ABCC8: variants seen among roughly 807,000 people sequenced by gnomAD.
The protein encoded by ABCC8 is ATP binding cassette subfamily C member 8.
Under a neutral mutation model 188.0 loss-of-function variants are expected in ABCC8, and 137 were observed. The ratio of observed to expected loss-of-function variants is 0.73; its 90% CI spans 0.63 to 0.84. ABCC8 has a LOEUF of 0.84. Ranked by LOEUF, ABCC8 falls within the 40% of genes least tolerant of loss-of-function variation. The probability of loss-of-function intolerance (pLI) is 0.00; values close to 1 mark genes in which losing one functional copy is unlikely to be tolerated. For missense variants in ABCC8, 1,750 were observed against 2,072.7 expected (o/e 0.84, Z 3.02); for synonymous variants, 797 against 846.5 (o/e 0.94, Z 1.01).
chr11:17,467,572 G>GGCC (rs1244835833), intron 3 of ABCC8, among the ~76,000 whole-genome samples: 1 of 152,224 alleles, frequency 6.6e-6, no homozygotes, highest in Non-Finnish European at 1.5e-5. Context: ...TCAGTTCTCA[G>GGCC]CTCAAATATG....
intron 10 of ABCC8, among the ~76,000 whole-genome samples, chr11:17,437,474 G>C (rs1407035664): frequency 1.3e-5 from 2 of 152,266 alleles, no homozygotes; most frequent in South Asian, 2.1e-4. Context: ...CCTGTGCAGG[G>C]CCAGGGGAGG....
intron 16 of ABCC8, 122 bp from the exon 17 acceptor site, chr11:17,417,084 T>C (rs1955116330): frequency 1.3e-6 from 2 of 1,561,646 alleles, no homozygotes; most frequent in Admixed American, 3.7e-5. Context: ...ATTCCCAGGG[T>C]TTCCAAATGG....
rs750793918 is a variant in ABCC8 at position 17,398,406 on chromosome 11, T to G, written c.3686A>C (p.Tyr1229Ser). The change falls in exon 30 of 39, where the codon TAC (tyrosine) becomes TCC (serine). Residue 1229 changes from tyrosine to serine, a missense_variant. Tyr to Ser is a moderately radical substitution (Grantham distance 144). Coordinates refer to ENST00000389817, the MANE Select transcript of ABCC8 (RefSeq NM_000352.6). ...EARFQQKLLEYTDSNNIASLF... is the reference protein window; with the variant it reads ...EARFQQKLLESTDSNNIASLF... ...GGAAGCAATGTTGTTGGAGTCTGTG[T>G]ATTCGAGAAGCTTCTGCTGGAACCG... 6.2e-7 allele frequency: 1 copy of G among 1,614,124 alleles called. No homozygotes were observed. The highest frequency in any genetic ancestry group is 8.5e-7 in the Non-Finnish European group (1 of 1,180,008).
chr11:17,409,375 C>T (rs1003911920), intron 22 of ABCC8, among the ~76,000 whole-genome samples: 8 of 152,136 alleles, frequency 5.3e-5, no homozygotes, highest in African/African-American at 1.2e-4. Context: ...TCAAGGGGCT[C>T]GAGAGTCCTG....
Position 17,395,597 on chromosome 11 carries a change from T to C in ABCC8, c.4307+13A>G, listed in dbSNP as rs886048047. ...CCTGGGGCTGGGTGGGCCTGAGGGG[T>C]GGTGGGGCTCACCGGATGGTGCCGC... is the stretch of plus-strand genomic sequence containing the variant. On this transcript the variant is annotated intron_variant, in intron 35 of 38. Coordinates refer to ENST00000389817, the MANE Select transcript of ABCC8 (RefSeq NM_000352.6). The C allele has an allele frequency of 6.5e-6, 10 of 1,546,954 alleles. No individual in the cohort carries two copies. Among genetic ancestry groups the C allele is most frequent in the South Asian group, 3.6e-5 (3 of 84,084 alleles).
At chr11:17,435,600 AT>A in intron 10 of ABCC8, 1 of 1,387,108 alleles carries the variant, frequency 7.2e-7, no homozygotes, top group Non-Finnish European at 1.0e-6. Context: ...CAGGCTGGAG[AT>A]AAAAGTGAGA....
chr11:17,408,265 A>C, intron 23 of ABCC8, 127 bp downstream of exon 23: 1 of 903,668 alleles, frequency 1.1e-6, no homozygotes, highest in Non-Finnish European at 1.7e-6. Context: ...GTTCATGCCC[A>C]GCTCCCACAT....
chr11:17,398,502 C>G (rs1954062270), intron 29 of ABCC8, 61 bp from the exon 30 acceptor site: 1 of 1,604,402 alleles, frequency 6.2e-7, no homozygotes, highest in African/African-American at 1.3e-5. Context: ...TCCTAGGAGT[C>G]TCCCTACCTG....
chr11:17,431,335 G>A (rs549466150), intron 11 of ABCC8, among the ~76,000 whole-genome samples: 8 of 152,336 alleles, frequency 5.3e-5, no homozygotes, highest in Non-Finnish European at 8.8e-5. Flanking sequence ...GAGTGATTAC[G>A]AAACTGCACA....
Position 17,395,705 on chromosome 11 carries a change from A to G in ABCC8, c.4212T>C (p.Ile1404=). The G allele has an allele frequency of 6.4e-7, 1 of 1,555,482 alleles. No homozygotes were observed. The highest frequency in any genetic ancestry group is 8.7e-7 in the Non-Finnish European group (1 of 1,149,034). The part of the protein sequence containing the change: ...MVDTFEGHII[I]DGIDIAKLPL... ...GCAGTTTGGCGATGTCAATGCCATC[A>G]ATGATGATGTGCCCTGCATGGGTCC... The change falls in exon 35 of 39, where the codon ATT becomes ATC. Residue 1404 remains isoleucine, a synonymous_variant. Transcript: ENST00000389817.
At chr11:17,448,335 T>A (rs1413673594) in intron 8 of ABCC8, 181 bp downstream of exon 8, 11 of 649,538 alleles carry the variant, frequency 1.7e-5, no homozygotes, top group Non-Finnish European at 2.8e-5. Flanking sequence ...AGATGGTCAG[T>A]GCTTGCAGAG....
intron 10 of ABCC8, among the ~76,000 whole-genome samples, chr11:17,436,981 C>A (rs1223516137): frequency 6.7e-6 from 1 of 149,984 alleles, no homozygotes; most frequent in East Asian, 2.0e-4. Flanking sequence ...ATCCTAGCTA[C>A]TCGAGAGGCT....
chr11:17,449,180 G>A (rs1417131323), intron 7 of ABCC8, among the ~76,000 whole-genome samples: 1 of 152,106 alleles, frequency 6.6e-6, no homozygotes, highest in Non-Finnish European at 1.5e-5. Flanking sequence ...CATCCACCTC[G>A]GCCTCCAAAT....
Position 17,442,818 on chromosome 11 carries a change from A to G in ABCC8, c.1532T>C (p.Leu511Pro), listed in dbSNP as rs797045206. ...GCGGAAGATGTTCTCCCAGGCGTAC[A>G]GCTTCAGCAGCTTGATGCCGCGGAG... Reference protein sequence around the residue: ...EMLRGIKLLKLYAWENIFRTR... With the variant: ...EMLRGIKLLKPYAWENIFRTR... Residue 511 changes from leucine (L) to proline (P), a missense_variant, in exon 10 of 39, where the codon CTG becomes CCG. By Grantham distance (98) the Leu-to-Pro change is moderately conservative. Coordinates refer to ENST00000389817, the MANE Select transcript of ABCC8 (RefSeq NM_000352.6). 8 of 1,614,012 alleles carry G rather than the reference A, an allele frequency of 5.0e-6. No homozygotes were observed. Among genetic ancestry groups the G allele is most frequent in the Non-Finnish European group, 6.8e-6 (8 of 1,180,038 alleles).
intron 29 of ABCC8, among the ~76,000 whole-genome samples, chr11:17,399,752 T>A (rs943104586): frequency 6.6e-6 from 1 of 152,198 alleles, no homozygotes; most frequent in African/African-American, 2.4e-5. Context: ...CCTGGCACTA[T>A]CAATAAATAT....
At position 17,414,613 on chromosome 11, in the gene ABCC8, G is replaced by T. The variant is rs867255523; in HGVS notation, c.2292-3C>A. The T allele has an allele frequency of 6.2e-7, 1 of 1,614,178 alleles. No homozygotes were observed. On this transcript the variant is annotated splice_polypyrimidine_tract_variant and splice_region_variant and intron_variant, in intron 18 of 38. Coordinates refer to ENST00000389817, the MANE Select transcript of ABCC8 (RefSeq NM_000352.6). ...CATAGGCCACGGGGCCTCTCTTCCTGGAAAAAGCAGGGCGGGAGTAGGGGG... is the reference window on the plus strand; with the variant it reads ...CATAGGCCACGGGGCCTCTCTTCCTTGAAAAAGCAGGGCGGGAGTAGGGGG...
intron 16 of ABCC8, among the ~76,000 whole-genome samples, chr11:17,417,354 G>A (rs1000786980): frequency 2.6e-5 from 4 of 152,090 alleles, no homozygotes; most frequent in Non-Finnish European, 5.9e-5. Context: ...ATAAGTAGGC[G>A]GCAAGTGCAT....
intron 16 of ABCC8, among the ~76,000 whole-genome samples, chr11:17,425,162 T>G (rs1200262868): frequency 1.3e-5 from 2 of 152,260 alleles, no homozygotes; most frequent in South Asian, 2.1e-4. Context: ...CAGGCTATGT[T>G]GAAAAATCTC....
At chr11:17,428,762 C>A in intron 12 of ABCC8, 92 bp from the exon 13 acceptor site, 3 of 1,569,692 alleles carry the variant, frequency 1.9e-6, no homozygotes, top group Non-Finnish European at 8.6e-7. Context: ...TGAGCAGGAT[C>A]TCAGGCCTGA....
Sources: allele counts gnomAD v4.1 joint callset (sites outside exome capture counted in the v4.1 genomes callset), GRCh38; gene constraint gnomAD v4.1.1; transcripts MANE v1.5; gene names NCBI Gene and HGNC (gene_info 2026-07-23, HGNC 2026-07-21).